The following SLC30A7 variants were observed in gnomAD, a reference collection of about 807,000 sequenced individuals.
SLC30A7 encodes solute carrier family 30 member 7, also known as zinc transporter 7.
SLC30A7 carries 35 observed loss-of-function variants against 46.0 expected under a neutral mutation model. The ratio of observed to expected loss-of-function variants is 0.76; its 90% CI spans 0.58 to 1.01. The LOEUF (loss-of-function observed/expected upper bound fraction) is 1.01, where lower values mean the gene tolerates loss of function less well. SLC30A7 is among the 50% of genes least tolerant of loss of function. The pLI is 0.00. For synonymous variants in SLC30A7, 147 were observed against 157.8 expected (o/e 0.93, Z 0.51); for missense variants, 464 against 451.1 (o/e 1.03, Z -0.26).
intron 8 of SLC30A7, among the ~76,000 whole-genome samples, chr1:100,948,857 A>G (rs1227919802): frequency 6.6e-6 from 1 of 152,154 alleles, no homozygotes; most frequent in African/African-American, 2.4e-5. Flanking sequence ...ATGCGTCATG[A>G]AGTTCTCATG....
At chr1:100,967,697 A>T (rs1655940643) in intron 10 of SLC30A7, among the ~76,000 whole-genome samples, 1 of 152,220 alleles carries the variant, frequency 6.6e-6, no homozygotes, top group Non-Finnish European at 1.5e-5. Context: ...GAGCCTCCAC[A>T]AGGCTGTTAA....
intron 10 of SLC30A7, among the ~76,000 whole-genome samples, chr1:100,972,112 G>A (rs1356763730): frequency 6.6e-6 from 1 of 152,132 alleles, no homozygotes; most frequent in African/African-American, 2.4e-5. Flanking sequence ...CTGGCTCCTG[G>A]TCCCATTCTA....
the SLC30A7 span, chr1:100,995,406 G>A: frequency 1.0e-4 from 37 of 367,432 alleles, no homozygotes; most frequent in African/African-American, 6.9e-4. Flanking sequence ...ACAAGGGAAA[G>A]AATTAGATAA....
intron 8 of SLC30A7, among the ~76,000 whole-genome samples, chr1:100,923,959 C>T (rs1450516064): frequency 4.6e-5 from 7 of 152,080 alleles, no homozygotes; most frequent in Admixed American, 4.6e-4. Context: ...TTAGTGTTCA[C>T]TTAACTGCTT....
chr1:100,962,699 C>CT (rs1655616870), intron 9 of SLC30A7, among the ~76,000 whole-genome samples: 1 of 152,134 alleles, frequency 6.6e-6, no homozygotes, highest in Non-Finnish European at 1.5e-5. Context: ...CATTGGAAAG[C>CT]TTTTAGGCAA....
intron 8 of SLC30A7, among the ~76,000 whole-genome samples, chr1:100,954,252 A>T (rs899926285): frequency 6.6e-6 from 1 of 152,166 alleles, no homozygotes; most frequent in Admixed American, 6.5e-5. Flanking sequence ...TGTCTTGGCA[A>T]TGTCACACCC....
chr1:100,920,496 A>C (rs1356890936), intron 7 of SLC30A7, among the ~76,000 whole-genome samples: 1 of 152,032 alleles, frequency 6.6e-6, no homozygotes, highest in African/African-American at 2.4e-5. Context: ...TTTGAAGAAC[A>C]GTTATAATAA....
At chr1:100,945,933 T>C (rs1340868398) in intron 8 of SLC30A7, among the ~76,000 whole-genome samples, 1 of 152,232 alleles carries the variant, frequency 6.6e-6, no homozygotes, top group Admixed American at 6.5e-5. Flanking sequence ...GAAATGTTCT[T>C]CTATTCATTT....
chr1:100,935,872 G>A (rs990157141), intron 8 of SLC30A7, among the ~76,000 whole-genome samples: 1 of 152,000 alleles, frequency 6.6e-6, no homozygotes, highest in African/African-American at 2.4e-5. Flanking sequence ...CATTACTTTA[G>A]TCATCCCACT....
At position 100,956,399 on chromosome 1, in the gene SLC30A7, G is replaced by T. The variant is rs1558003484; in HGVS notation, c.843-5429G>T. 2.0e-5 allele frequency among the ~76,000 whole-genome samples: 3 copies of T among 152,214 alleles called. No individual in the cohort carries two copies. The East Asian group carries it at 5.8e-4, about 29-fold the overall frequency. On this transcript the variant is annotated intron_variant, in intron 8 of 10. Coordinates refer to ENST00000357650, the MANE Select transcript of SLC30A7 (RefSeq NM_133496.5). ...TAGGTTATTTTTTAAAAAGGTGGTGGCAGGGAGTAGCAGACTTTGGAAGGC... is the reference window on the plus strand; with the variant it reads ...TAGGTTATTTTTTAAAAAGGTGGTGTCAGGGAGTAGCAGACTTTGGAAGGC...
intron 8 of SLC30A7, among the ~76,000 whole-genome samples, chr1:100,925,789 A>C (rs960966786): frequency 6.6e-6 from 1 of 152,224 alleles, no homozygotes; most frequent in Non-Finnish European, 1.5e-5. Context: ...AGACATTGAT[A>C]TGGAGAGTTC....
In SLC30A7 at chr1:100,921,711, T is replaced by C; in HGVS notation, c.712T>C (p.Phe238Leu). 6.2e-7 allele frequency: 1 copy of C among 1,608,558 alleles called. No individual in the cohort carries two copies. The highest frequency in any genetic ancestry group is 2.2e-5 in the East Asian group (1 of 44,732). The change falls in exon 8 of 11, where the codon TTT becomes CTT. Residue 238 changes from phenylalanine to leucine, a missense_variant. Physicochemically the swap from Phe to Leu is conservative, Grantham distance 22. Transcript: ENST00000357650. Reference sequence around the variant, plus strand: ...TTATTATGGTTTATTTCTAGGTGTATTTTTACATATCCTAGCAGATACACT... The same window carrying C: ...TTATTATGGTTTATTTCTAGGTGTACTTTTACATATCCTAGCAGATACACT... Reference protein sequence around the residue: ...GPSRQILQGVFLHILADTLGS... With the variant: ...GPSRQILQGVLLHILADTLGS...
chr1:100,896,788 C>A, intron 2 of SLC30A7, 117 bp downstream of exon 2: 2 of 830,818 alleles, frequency 2.4e-6, no homozygotes, highest in Admixed American at 2.1e-5. Context: ...TTGTTACCTA[C>A]CTCTGCTGCT....
chr1:100,966,590 A>G (rs1359570930), intron 10 of SLC30A7, among the ~76,000 whole-genome samples: 2 of 152,120 alleles, frequency 1.3e-5, no homozygotes, highest in African/African-American at 2.4e-5. Flanking sequence ...GGTCTCAAAG[A>G]AAAAAGAAAA....
intron 10 of SLC30A7, among the ~76,000 whole-genome samples, chr1:100,966,164 G>A (rs1655849888): frequency 1.3e-5 from 2 of 151,126 alleles, no homozygotes; most frequent in Admixed American, 1.3e-4. Flanking sequence ...AGAGTTTGAG[G>A]CTGCAGTGGG....
chr1:100,913,785 C>T lies in SLC30A7; in HGVS notation c.634C>T (p.His212Tyr), dbSNP rs1305467687. 1 of 1,613,284 alleles carries T rather than the reference C, an allele frequency of 6.2e-7. No individual in the cohort carries two copies. Among genetic ancestry groups the T allele is most frequent in the East Asian group, 2.2e-5 (1 of 44,894 alleles). ...ACATAGCCATGATCATGCTCATGGA[C>T]ATGGACACTTTCATTCTCATGGTGA... ...AAHSHDHAHG[H>Y]GHFHSHDGPS... Residue 212 changes from histidine (H) to tyrosine (Y), a missense_variant, in exon 6 of 11, where the codon CAT (histidine) becomes TAT (tyrosine). His to Tyr is a moderately conservative substitution (Grantham distance 83, BLOSUM62 2). Coordinates refer to ENST00000357650, the MANE Select transcript of SLC30A7 (RefSeq NM_133496.5).
intron 8 of SLC30A7, among the ~76,000 whole-genome samples, chr1:100,930,530 TAGAA>T (rs749318843): frequency 3.9e-5 from 6 of 152,060 alleles, no homozygotes; most frequent in Admixed American, 2.0e-4. Flanking sequence ...CATATTTAAA[TAGAA>T]AGAGTTGAAT....
chr1:100,958,667 A>T lies in SLC30A7; in HGVS notation c.843-3161A>T, dbSNP rs77468850. Among the ~76,000 whole-genome samples the T allele has an allele frequency of 1.4e-3, 217 of 152,282 alleles. 6 individuals are homozygous for T. In the East Asian group the frequency reaches 0.04, roughly 28 times the overall value. On this transcript the variant is annotated intron_variant, in intron 8 of 10. Transcript: ENST00000357650. ...TATTTAAGATTTAGTATTGATCCCTAGCCTTAGATATACTTTTAAAATTTA... is the reference window on the plus strand; with the variant it reads ...TATTTAAGATTTAGTATTGATCCCTTGCCTTAGATATACTTTTAAAATTTA...
rs922536317 is a variant in SLC30A7, at chr1:100,978,936, T to G, written c.*4079T>G. 1 of 152,206 alleles carries G rather than the reference T, an allele frequency of 6.6e-6. No individual in the cohort carries two copies. Among genetic ancestry groups the G allele is most frequent in the African/African-American group, 2.4e-5 (1 of 41,448 alleles). 9.4% of individuals were successfully genotyped at this position (152,206 alleles called of 1,614,324 possible). On this transcript the variant is annotated 3_prime_UTR_variant, in exon 11 of 11. Transcript: ENST00000357650. Reference sequence around the variant, plus strand: ...CCAAGGCTAAATCCAATTTAAGGATTGCTTAGTTTCTTTATTTTGTTTATG... The same window carrying G: ...CCAAGGCTAAATCCAATTTAAGGATGGCTTAGTTTCTTTATTTTGTTTATG...
Sources: gnomAD v4.1 joint callset for allele counts (sites outside exome capture counted in the v4.1 genomes callset) on GRCh38, gnomAD v4.1.1 for gene constraint, MANE v1.5 for transcripts, NCBI Gene and HGNC (gene_info 2026-07-23, HGNC 2026-07-21) for gene names.